HYDIN: variants seen among roughly 807,000 people sequenced by gnomAD.
The protein encoded by HYDIN is HYDIN axonemal central pair apparatus protein, also known as axonemal central pair apparatus protein HYDIN.
A neutral mutation model predicts 403.9 loss-of-function variants in HYDIN; 132 were observed. That is an observed-to-expected ratio of 0.33 (90% CI 0.28 to 0.38). The LOEUF is 0.38. Among genes scored for constraint, HYDIN ranks in the 10% least tolerant of loss-of-function variants. The pLI is 1.00. For synonymous variants in HYDIN, 1,202 were observed against 1,891.7 expected, an observed-to-expected ratio of 0.64 and a Z score of 9.46; for missense variants, 2,827 against 5,009.5, an observed-to-expected ratio of 0.56 and a Z score of 13.15.
chr16:71,200,387 C>T (rs2087935385), intron 1 of HYDIN, among the ~76,000 whole-genome samples: 1 of 152,166 alleles, frequency 6.6e-6, no homozygotes, highest in African/African-American at 2.4e-5. Context: ...GACCCCTTTC[C>T]AGTAACACAG....
intron 1 of HYDIN, among the ~76,000 whole-genome samples, chr16:71,199,873 T>G (rs2087899418): frequency 6.6e-6 from 1 of 152,142 alleles, no homozygotes; most frequent in South Asian, 2.1e-4. Flanking sequence ...AACTCCATCT[T>G]GAGTAGGAGC....
intron 46 of HYDIN, 25 bp downstream of exon 46, chr16:70,920,566 C>A: frequency 6.4e-7 from 1 of 1,566,002 alleles, no homozygotes; most frequent in Non-Finnish European, 8.7e-7. Context: ...CTTGAGACTT[C>A]CCCACCCTGG....
At chr16:70,970,464 C>G in intron 36 of HYDIN, 56 bp downstream of exon 36, 1 of 1,591,088 alleles carries the variant, frequency 6.3e-7, no homozygotes, top group Non-Finnish European at 8.6e-7. Flanking sequence ...AGGAAGAATT[C>G]AAGGGGAAAA....
At chr16:70,870,338 T>C (rs1482405659) in intron 65 of HYDIN, among the ~76,000 whole-genome samples, 1 of 151,140 alleles carries the variant, frequency 6.6e-6, no homozygotes, top group Admixed American at 6.6e-5. Context: ...AAAATGTCTC[T>C]AGGGCATGTC....
intron 1 of HYDIN, among the ~76,000 whole-genome samples, chr16:71,214,623 A>G (rs930269202): frequency 6.6e-6 from 1 of 152,194 alleles, no homozygotes; most frequent in African/African-American, 2.4e-5. Flanking sequence ...GCTCACACAT[A>G]TGCAGCCTGG....
chr16:70,822,742 A>T (rs1269871423), intron 83 of HYDIN, among the ~76,000 whole-genome samples: 1 of 152,144 alleles, frequency 6.6e-6, no homozygotes, highest in East Asian at 1.9e-4. Flanking sequence ...TCGAGGCAAG[A>T]CCCTCCACCA....
At chr16:70,991,568 T>C (rs947184647) in intron 24 of HYDIN, among the ~76,000 whole-genome samples, 172 bp from the exon 25 acceptor site, 6 of 151,748 alleles carry the variant, frequency 4.0e-5, no homozygotes, top group African/African-American at 7.3e-5. Flanking sequence ...CAGGGCCCTG[T>C]TGCCCTATGC....
rs1283292296 is a variant in HYDIN, at chr16:71,034,397, C to G, written c.2530-2480G>C. On this transcript the variant is annotated intron_variant, in intron 18 of 85. Transcript: ENST00000393567. The stretch of plus-strand genomic sequence containing the variant: ...ATAAACGTACATTGCAGATTGAAAG[C>G]AAGAGTTAGAGATTTCAGCCAGGCA... Among the ~76,000 whole-genome samples, 3 of 152,180 alleles carry G rather than the reference C, an allele frequency of 2.0e-5. No homozygotes were observed. The East Asian group carries it at 5.8e-4, about 29-fold the overall frequency.
intron 1 of HYDIN, among the ~76,000 whole-genome samples, chr16:71,201,509 C>T (rs904598293): frequency 1.5e-4 from 23 of 152,182 alleles, no homozygotes; most frequent in Non-Finnish European, 5.9e-5. Context: ...AGTATTGCAC[C>T]TCCCTAGCTA....
At position 71,097,422 on chromosome 16, in the gene HYDIN, A is replaced by C. The variant is rs186699676; in HGVS notation, c.1328-3487T>G. On this transcript the variant is annotated intron_variant, in intron 10 of 85. Coordinates refer to ENST00000393567, the MANE Select transcript of HYDIN (RefSeq NM_001270974.2). ...TTTCCTTCTCTTGGATCTTGGCCCC[A>C]TGTTCCAGTAGTTCTCTCTTGCCTT... 3.5e-3 allele frequency among the ~76,000 whole-genome samples: 298 copies of C among 84,486 alleles called. 18 individuals carry two copies. Among genetic ancestry groups the C allele is most frequent in the Middle Eastern group, 5.3e-3 (1 of 188 alleles). 55.4% of individuals were successfully genotyped at this position (84,486 alleles called of 152,430 possible). A position where few individuals can be genotyped will look rare whatever the true frequency, so the allele number is the denominator to read the frequency against.
chr16:71,220,159 A>T (rs540042789), intron 1 of HYDIN, among the ~76,000 whole-genome samples: 1 of 152,196 alleles, frequency 6.6e-6, no homozygotes, highest in Non-Finnish European at 1.5e-5. Context: ...AATGTGTACC[A>T]ATTAAAACAT....
At chr16:71,181,525 T>G (rs1343430680) in intron 3 of HYDIN, among the ~76,000 whole-genome samples, 2 of 152,124 alleles carry the variant, frequency 1.3e-5, no homozygotes, top group Non-Finnish European at 2.9e-5. Context: ...TTAGGTTAGT[T>G]TTCTTGATTA....
intron 14 of HYDIN, among the ~76,000 whole-genome samples, chr16:71,067,715 A>C (rs891091465): frequency 6.6e-6 from 1 of 152,108 alleles, no homozygotes; most frequent in Admixed American, 6.6e-5. Context: ...TAATTACTGC[A>C]ATTTAAATTG....
chr16:71,110,203 A>T lies in HYDIN; in HGVS notation c.1327+5493T>A, dbSNP rs149105121. ...GCTTTATTTTCTTGGTGCTAGCAGC[A>T]TAAGATATACAGGATGAGTCCTGTA... On this transcript the variant is annotated intron_variant, in intron 10 of 85. Transcript: ENST00000393567. Among the ~76,000 whole-genome samples, 435 of 147,576 alleles carry T rather than the reference A, an allele frequency of 2.9e-3. 3 individuals are homozygous for T. The highest frequency in any genetic ancestry group is 1.0e-2 in the African/African-American group (402 of 40,370).
At chr16:70,879,551 G>T (rs2040652387) in intron 61 of HYDIN, 54 bp downstream of exon 61, 2 of 1,607,562 alleles carry the variant, frequency 1.2e-6, no homozygotes, top group Non-Finnish European at 1.7e-6. Context: ...TCCCTACAGA[G>T]TGTGGCCTGC....
chr16:71,226,341 G>A (rs1418315788), intron 1 of HYDIN, among the ~76,000 whole-genome samples: 2 of 151,980 alleles, frequency 1.3e-5, no homozygotes, highest in African/African-American at 2.4e-5. Flanking sequence ...GTGGAGGGAG[G>A]AGAGTCTCTT....
In HYDIN at chr16:71,181,826, T is replaced by C. The variant is rs536201557; in HGVS notation, c.262-2779A>G. Among the ~76,000 whole-genome samples the C allele has an allele frequency of 5.3e-5, 8 of 152,202 alleles. No homozygotes were observed. The South Asian group carries it at 1.2e-3, about 24-fold the overall frequency. On this transcript the variant is annotated intron_variant, in intron 3 of 85. Coordinates refer to ENST00000393567, the MANE Select transcript of HYDIN (RefSeq NM_001270974.2). The stretch of plus-strand genomic sequence containing the variant: ...CAAAAAAAGCCCTAACCTCATGAAG[T>C]TGACATTCTTGAAGCTCAAGCGATC...
intron 35 of HYDIN, among the ~76,000 whole-genome samples, chr16:70,971,918 T>C (rs1483185773): frequency 6.6e-6 from 1 of 152,218 alleles, no homozygotes; most frequent in African/African-American, 2.4e-5. Flanking sequence ...TGCAGATATA[T>C]GGATCGTATG....
chr16:71,203,927 T>C (rs1360786995), intron 1 of HYDIN: 4 of 415,040 alleles, frequency 9.6e-6, no homozygotes, highest in East Asian at 1.4e-4. Context: ...TAGCTGTGCA[T>C]GGTGGTGCAC....
Sources: allele counts gnomAD v4.1 joint callset (sites outside exome capture counted in the v4.1 genomes callset), GRCh38; gene constraint gnomAD v4.1.1; transcripts MANE v1.5; gene names NCBI Gene and HGNC (gene_info 2026-07-23, HGNC 2026-07-21).